The following PTPRF variants were observed in gnomAD, a reference collection of about 807,000 sequenced individuals.
PTPRF encodes protein tyrosine phosphatase receptor type F, also known as receptor-type tyrosine-protein phosphatase F.
A neutral mutation model predicts 201.8 loss-of-function variants in PTPRF; 59 were observed. The observed-to-expected ratio is 0.29, with a 90% CI of 0.24 to 0.36. The LOEUF (loss-of-function observed/expected upper bound fraction) is 0.36, where lower values mean the gene tolerates loss of function less well. Ranked by LOEUF, PTPRF falls within the 10% of genes least tolerant of loss-of-function variation. The probability of loss-of-function intolerance (pLI) is 1.00; values close to 1 mark genes in which losing one functional copy is unlikely to be tolerated. For synonymous variants in PTPRF, 1,088 were observed against 1,089.7 expected (o/e 1.00, Z 0.03); for missense variants, 2,132 against 2,690.5 (o/e 0.79, Z 4.59).
At chr1:43,569,846 C>T in intron 6 of PTPRF, 68 bp downstream of exon 6, 1 of 1,489,712 alleles carries the variant, frequency 6.7e-7, no homozygotes, top group South Asian at 1.3e-5. Flanking sequence ...GATCCCAGCA[C>T]AGCCTACTCC....
At chr1:43,526,393 G>A (rs77339376), upstream of PTPRF, among the ~76,000 whole-genome samples, 2 of 152,004 alleles carry the variant, frequency 1.3e-5, no homozygotes, top group Non-Finnish European at 2.9e-5. Context: ...CCAGGAGTTC[G>A]AGATCAGCCT....
At chr1:43,556,810 T>A (rs1293846863) in intron 5 of PTPRF, among the ~76,000 whole-genome samples, 1 of 152,236 alleles carries the variant, frequency 6.6e-6, no homozygotes, top group Non-Finnish European at 1.5e-5. Context: ...GGCTGGAAGC[T>A]GTACATCTTG....
intron 5 of PTPRF, among the ~76,000 whole-genome samples, chr1:43,560,628 C>A (rs1645742087): frequency 6.6e-6 from 1 of 152,230 alleles, no homozygotes; most frequent in South Asian, 2.1e-4. Flanking sequence ...TCTCTGGGAC[C>A]CCGCAGGATC....
intron 5 of PTPRF, among the ~76,000 whole-genome samples, chr1:43,555,596 C>T (rs1302463150): frequency 6.6e-6 from 1 of 152,010 alleles, no homozygotes; most frequent in African/African-American, 2.4e-5. Context: ...CAGGTGCGCA[C>T]CACCACTCGT....
chr1:43,620,990 C>T lies in PTPRF; in HGVS notation c.5517C>T (p.Cys1839=), dbSNP rs1401611103. The part of the protein sequence containing the change: ...FGQDGPITVH[C]SAGVGRTGVF... The stretch of plus-strand genomic sequence containing the variant: ...AGGATGGGCCTATCACGGTGCACTG[C>T]AGGTGGGACTGGCCCCCTGGAGGGC... The change falls in exon 32 of 34, where the codon TGC becomes TGT. Residue 1839 remains cysteine, a splice_region_variant and synonymous_variant. Coordinates refer to ENST00000359947, the MANE Select transcript of PTPRF (RefSeq NM_002840.5). The T allele has an allele frequency of 1.2e-6, 2 of 1,612,898 alleles. No homozygotes were observed. Among genetic ancestry groups the T allele is most frequent in the South Asian group, 1.1e-5 (1 of 90,868 alleles).
Position 43,619,176 on chromosome 1 carries a change from C to G in PTPRF, c.4620C>G (p.Asp1540Glu). Residue 1540 changes from aspartate to glutamate, a missense_variant, in exon 27 of 34, where the codon GAC becomes GAG. Around this residue, in one of 6 missense-constraint regions of PTPRF, gnomAD observed 519 missense variants for 659.5 expected, o/e 0.79. Transcript: ENST00000359947. The stretch of plus-strand genomic sequence containing the variant: ...GGGTCAAGGCCTGCAACCCCCTAGA[C>G]GCAGGGCCCATGGTGGTGCACTGCA... The part of the protein sequence containing the change: ...LRRVKACNPL[D>E]AGPMVVHCSA... 1 of 1,610,238 alleles carries G rather than the reference C, an allele frequency of 6.2e-7. No individual in the cohort carries two copies. Among genetic ancestry groups the G allele is most frequent in the Non-Finnish European group, 8.5e-7 (1 of 1,178,562 alleles).
chr1:43,605,750 C>T (rs1173053942), intron 19 of PTPRF, 128 bp downstream of exon 19: 5 of 886,554 alleles, frequency 5.6e-6, no homozygotes, highest in Admixed American at 2.1e-5. Context: ...TTCTGGCTGG[C>T]AGCCCGCCCC....
At chr1:43,526,046 T>A (rs1244982971), upstream of PTPRF, among the ~76,000 whole-genome samples, 1 of 151,646 alleles carries the variant, frequency 6.6e-6, no homozygotes, top group African/African-American at 2.4e-5. Context: ...CAGATGGGAA[T>A]GCTATAGTGA....
At position 43,622,006 on chromosome 1, in the gene PTPRF, A is replaced by G. The variant is rs755004036; in HGVS notation, c.*3A>G. ...GCTTTGACCACTATGCAACGTAACT[A>G]CCGCTCCCCTCTCCTCCGCCACCCC... is the stretch of plus-strand genomic sequence containing the variant. On this transcript the variant is annotated 3_prime_UTR_variant, in exon 34 of 34. Transcript: ENST00000359947. The G allele has an allele frequency of 3.1e-6, 5 of 1,613,618 alleles. No individual in the cohort carries two copies. The highest frequency in any genetic ancestry group is 3.3e-5 in the Admixed American group (2 of 59,988).
At chr1:43,522,428 G>A (rs1224409193), upstream of PTPRF, among the ~76,000 whole-genome samples, 1 of 152,152 alleles carries the variant, frequency 6.6e-6, no homozygotes, top group African/African-American at 2.4e-5. Context: ...AGATATTGAG[G>A]ATAACAATAG....
chr1:43,564,043 A>G (rs1645988896), intron 5 of PTPRF, among the ~76,000 whole-genome samples: 1 of 152,234 alleles, frequency 6.6e-6, no homozygotes, highest in Non-Finnish European at 1.5e-5. Flanking sequence ...CTCAGATTGA[A>G]AAACAAAACA....
At chr1:43,607,851 C>T (rs1188910314) in intron 21 of PTPRF, among the ~76,000 whole-genome samples, 1 of 152,272 alleles carries the variant, frequency 6.6e-6, no homozygotes. Context: ...CTGGCCCCTA[C>T]CCCTTCCTTG....
At chr1:43,578,519 A>G (rs999290386) in intron 6 of PTPRF, among the ~76,000 whole-genome samples, 2 of 152,134 alleles carry the variant, frequency 1.3e-5, no homozygotes, top group Non-Finnish European at 2.9e-5. Flanking sequence ...TGTGGCAGAA[A>G]CTGAATGGAG....
chr1:43,623,152 T>G lies in PTPRF; in HGVS notation c.*1149T>G, dbSNP rs1437127404. ...GGCCAAGCGGGGGCGTGGCTGGCCT[T>G]TCAGGTCCAGGCCAGTGGGCCTGGT... On this transcript the variant is annotated 3_prime_UTR_variant, in exon 34 of 34. Transcript: ENST00000359947. 1 of 152,692 alleles carries G rather than the reference T, an allele frequency of 6.5e-6. No homozygotes were observed. The highest frequency in any genetic ancestry group is 1.5e-5 in the Non-Finnish European group (1 of 68,098). The allele number at this position is 152,692 out of a possible 1,614,324, so 9.5% of individuals were successfully genotyped here.
chr1:43,534,400 G>T (rs1320284089), intron 1 of PTPRF, among the ~76,000 whole-genome samples: 1 of 152,212 alleles, frequency 6.6e-6, no homozygotes, highest in Non-Finnish European at 1.5e-5. Flanking sequence ...AGAGGGTGCA[G>T]GTAAGTAAGG....
chr1:43,569,532 G>A, intron 5 of PTPRF, 58 bp from the exon 6 acceptor site: 3 of 1,512,514 alleles, frequency 2.0e-6, no homozygotes, highest in Middle Eastern at 2.4e-4. Context: ...TACCCCCAGA[G>A]GGGTCATAGG....
At chr1:43,594,920 G>T (rs1651863226) in intron 11 of PTPRF, among the ~76,000 whole-genome samples, 1 of 152,146 alleles carries the variant, frequency 6.6e-6, no homozygotes, top group Admixed American at 6.5e-5. Flanking sequence ...TCAGGGGAGG[G>T]GAGCGACTTG....
intron 5 of PTPRF, among the ~76,000 whole-genome samples, chr1:43,557,711 G>A (rs544205126): frequency 7.2e-5 from 11 of 152,062 alleles, no homozygotes; most frequent in Middle Eastern, 6.8e-3. Context: ...ATATGTTTGC[G>A]CTTCTGGGGT....
chr1:43,550,008 C>T (rs1644917593), intron 3 of PTPRF, among the ~76,000 whole-genome samples: 1 of 152,204 alleles, frequency 6.6e-6, no homozygotes, highest in Non-Finnish European at 1.5e-5. Context: ...CTCTGCTGAA[C>T]ATAAGGGGCA....
Sources: allele counts gnomAD v4.1 joint callset (sites outside exome capture counted in the v4.1 genomes callset), GRCh38; gene constraint gnomAD v4.1.1; regional missense constraint gnomAD v4.1.1; transcripts MANE v1.5; gene names NCBI Gene and HGNC (gene_info 2026-07-23, HGNC 2026-07-21).